The following HYDIN variants were observed in gnomAD, a reference collection of about 807,000 sequenced individuals.
HYDIN encodes HYDIN axonemal central pair apparatus protein, also known as axonemal central pair apparatus protein HYDIN.
A neutral mutation model predicts 403.9 loss-of-function variants in HYDIN; 132 were observed. That is an observed-to-expected ratio of 0.33 (90% CI 0.28 to 0.38). The LOEUF is 0.38. Ranked by LOEUF, HYDIN falls within the 10% of genes least tolerant of loss-of-function variation. The pLI, the probability that HYDIN is intolerant of heterozygous loss-of-function variation, is 1.00. For missense variants in HYDIN, 2,827 were observed against 5,009.5 expected, an observed-to-expected ratio of 0.56 and a Z score of 13.15; for synonymous variants, 1,202 against 1,891.7, an observed-to-expected ratio of 0.64 and a Z score of 9.46.
intron 23 of HYDIN, among the ~76,000 whole-genome samples, chr16:70,997,337 T>C (rs2079564145): frequency 7.1e-6 from 1 of 141,394 alleles, no homozygotes; most frequent in Non-Finnish European, 1.5e-5. Flanking sequence ...GAAATAGGAT[T>C]CCCCAGGGAC....
At position 71,186,850 on chromosome 16, in the gene HYDIN, C is replaced by T. The variant is rs1373590701; in HGVS notation, c.46G>A (p.Gly16Arg). The T allele has an allele frequency of 6.2e-7, 1 of 1,612,944 alleles. No homozygotes were observed. Among genetic ancestry groups the T allele is most frequent in the African/African-American group, 1.3e-5 (1 of 74,844 alleles). Residue 16 changes from glycine (G) to arginine (R), a missense_variant, in exon 2 of 86, where the codon GGA (glycine) becomes AGA (arginine). Transcript: ENST00000393567. Reference protein sequence around the residue: ...LEESMGAVQMGLVNMFKGFQS... With the variant: ...LEESMGAVQMRLVNMFKGFQS... ...AATCCTTTGAACATATTGACCAATC[C>T]CATCTGAACAGCCCCCATGGACTCC... is the stretch of plus-strand genomic sequence containing the variant.
intron 53 of HYDIN, 90 bp downstream of exon 53, chr16:70,900,914 C>CTG (rs58190033): frequency 0.012 from 4,732 of 380,314 alleles, 11 homozygotes; most frequent in African/African-American, 0.024. Context: ...AGGGAGACCT[C>CTG]TGTGTGTGTG....
At chr16:70,957,409 C>G (rs1176299142) in intron 39 of HYDIN, among the ~76,000 whole-genome samples, 1 of 151,678 alleles carries the variant, frequency 6.6e-6, no homozygotes, top group Non-Finnish European at 1.5e-5. Flanking sequence ...TCACTGCAAC[C>G]TCTGCCTCCC....
At chr16:71,052,309 T>C (rs2081683236) in intron 18 of HYDIN, among the ~76,000 whole-genome samples, 1 of 151,736 alleles carries the variant, frequency 6.6e-6, no homozygotes, top group African/African-American at 2.4e-5. Context: ...ATAAATGGGA[T>C]ATAACAGAAA....
intron 1 of HYDIN, chr16:71,203,765 A>G (rs756362281): frequency 6.4e-5 from 29 of 455,942 alleles, no homozygotes; most frequent in Non-Finnish European, 9.7e-5. Context: ...AAAGAATTCC[A>G]GTCATCCAGA....
chr16:70,871,248 A>C (rs932509085), intron 65 of HYDIN, among the ~76,000 whole-genome samples: 1 of 151,800 alleles, frequency 6.6e-6, no homozygotes, highest in African/African-American at 2.4e-5. Flanking sequence ...ATTTATCCCT[A>C]ATAGCGCTCA....
chr16:71,203,426 T>C (rs2088125500), intron 1 of HYDIN, among the ~76,000 whole-genome samples: 1 of 152,226 alleles, frequency 6.6e-6, no homozygotes, highest in Admixed American at 6.5e-5. Flanking sequence ...CTGGAGTTTA[T>C]TAGGAAGATT....
At chr16:70,901,948 A>G (rs2076392695) in intron 52 of HYDIN, among the ~76,000 whole-genome samples, 1 of 151,598 alleles carries the variant, frequency 6.6e-6, no homozygotes, top group South Asian at 2.1e-4. Context: ...ACATTTCTTA[A>G]CCCTTTTTCG....
intron 14 of HYDIN, among the ~76,000 whole-genome samples, chr16:71,068,024 A>G (rs2082332297): frequency 6.6e-6 from 1 of 151,610 alleles, no homozygotes; most frequent in Non-Finnish European, 1.5e-5. Flanking sequence ...GGAGTTAAGC[A>G]GTAATGAATT....
In HYDIN at chr16:71,025,119, A is replaced by G. The variant is rs571873754; in HGVS notation, c.3186+264T>C. On this transcript the variant is annotated intron_variant, in intron 21 of 85. Transcript: ENST00000393567. The stretch of plus-strand genomic sequence containing the variant: ...AGTAAGATGATTGACTAAAATGCAT[A>G]TTCAGTGCACTGGAATACCACTTCC... Among the ~76,000 whole-genome samples, 10 of 152,352 alleles carry G rather than the reference A, an allele frequency of 6.6e-5. No homozygotes were observed. The South Asian group carries it at 1.9e-3, about 28-fold the overall frequency.
At position 70,868,611 on chromosome 16, in the gene HYDIN, C is replaced by T. The variant is rs199890203; in HGVS notation, c.11269G>A (p.Val3757Ile). ...AAAGTCCCAGGCATGTTTCTGGGTA[C>T]GTCCACCCACTTGACTGTGTGCATG... The part of the protein sequence containing the change: ...DRMHTVKWVD[V>I]PRNMPGTFTT... Residue 3757 changes from valine (V) to isoleucine (I), a missense_variant, in exon 66 of 86, where the codon GTA (valine) becomes ATA (isoleucine). Coordinates refer to ENST00000393567, the MANE Select transcript of HYDIN (RefSeq NM_001270974.2). 844 of 1,613,562 alleles carry T rather than the reference C, an allele frequency of 5.2e-4. No homozygotes were observed. Among genetic ancestry groups the T allele is most frequent in the Non-Finnish European group, 6.5e-4 (771 of 1,179,974 alleles).
Position 70,955,436 on chromosome 16 carries a change from C to T in HYDIN, c.6255G>A (p.Arg2085=). Residue 2085 remains arginine (R), a synonymous_variant, in exon 40 of 86, where the codon CGG becomes CGA. Coordinates refer to ENST00000393567, the MANE Select transcript of HYDIN (RefSeq NM_001270974.2). ...CAGCCCTGATGCAGAGCTCACGGGC[C>T]CGGATCCCTGGGATGTTGTTGCTGT... ...VANSNNIPGI[R]ARELCIRAAI... 1 of 1,614,106 alleles carries T rather than the reference C, an allele frequency of 6.2e-7. No individual in the cohort carries two copies. Among genetic ancestry groups the T allele is most frequent in the Non-Finnish European group, 8.5e-7 (1 of 1,179,994 alleles).
chr16:71,186,648 A>C, intron 2 of HYDIN, 113 bp downstream of exon 2: 1 of 814,730 alleles, frequency 1.2e-6, no homozygotes. Flanking sequence ...AACTAAATTG[A>C]TATTAATCAG....
At chr16:71,202,802 A>C (rs779809317) in intron 1 of HYDIN, among the ~76,000 whole-genome samples, 1 of 152,208 alleles carries the variant, frequency 6.6e-6, no homozygotes, top group Non-Finnish European at 1.5e-5. Context: ...ATCTATTAAA[A>C]TATTTCTTTT....
At chr16:70,976,207 G>C (rs1239182824) in intron 30 of HYDIN, among the ~76,000 whole-genome samples, 2 of 152,256 alleles carry the variant, frequency 1.3e-5, no homozygotes, top group African/African-American at 2.4e-5. Flanking sequence ...TTTACTCTGA[G>C]AACAGGAATG....
chr16:71,042,756 T>A (rs1049801392), intron 18 of HYDIN, among the ~76,000 whole-genome samples: 38 of 152,192 alleles, frequency 2.5e-4, no homozygotes, highest in Non-Finnish European at 4.6e-4. Flanking sequence ...TTCAGAAGCA[T>A]CTTCTACACA....
In HYDIN at chr16:70,954,792, A is replaced by G. The variant is rs534923752; in HGVS notation, c.6316+583T>C. 2.6e-5 allele frequency among the ~76,000 whole-genome samples: 4 copies of G among 152,334 alleles called. No individual in the cohort carries two copies. In the South Asian group the frequency reaches 8.3e-4, roughly 32 times the overall value. ...TTTTCCATAGTGTGAAACTGTCCCA[A>G]TAGCTCTTTTCCTTGAACATAAAAC... On this transcript the variant is annotated intron_variant, in intron 40 of 85. Transcript: ENST00000393567.
chr16:71,222,798 C>A (rs1370552757), intron 1 of HYDIN, among the ~76,000 whole-genome samples: 1 of 152,076 alleles, frequency 6.6e-6, no homozygotes, highest in East Asian at 1.9e-4. Context: ...GGGGAAAGAC[C>A]TCTACGCGGA....
At chr16:70,875,272 C>G (rs532130050) in intron 62 of HYDIN, among the ~76,000 whole-genome samples, 68 of 151,460 alleles carry the variant, frequency 4.5e-4, no homozygotes, top group Middle Eastern at 6.8e-3. Context: ...CAAATGAATA[C>G]TTGTAATTCT....
Sources: allele counts gnomAD v4.1 joint callset (sites outside exome capture counted in the v4.1 genomes callset), GRCh38; gene constraint gnomAD v4.1.1; transcripts MANE v1.5; gene names NCBI Gene and HGNC (gene_info 2026-07-23, HGNC 2026-07-21).